ABCA4: variants seen among roughly 807,000 people sequenced by gnomAD.
ABCA4 encodes retinal-specific phospholipid-transporting ATPase ABCA4.
ABCA4 carries 196 observed loss-of-function variants against 263.7 expected under a neutral mutation model. That is an observed-to-expected ratio of 0.74 (90% CI 0.66 to 0.84). The LOEUF (loss-of-function observed/expected upper bound fraction) is 0.84, where lower values mean the gene tolerates loss of function less well. Among genes scored for constraint, ABCA4 ranks in the 40% least tolerant of loss-of-function variants. The probability of loss-of-function intolerance (pLI) is 0.00; values close to 1 mark genes in which losing one functional copy is unlikely to be tolerated. For missense variants in ABCA4, 2,792 were observed against 2,855.1 expected (o/e 0.98, Z 0.50); for synonymous variants, 1,133 against 1,094.2 (o/e 1.04, Z -0.70).
chr1:94,070,890 C>T (rs973998498), intron 11 of ABCA4, among the ~76,000 whole-genome samples: 4 of 152,106 alleles, frequency 2.6e-5, no homozygotes, highest in Admixed American at 6.5e-5. Flanking sequence ...GAGCTGTGGG[C>T]GCTAAGTCTT....
At chr1:93,993,480 C>T (rs1012890108) in intron 49 of ABCA4, among the ~76,000 whole-genome samples, 1 of 151,946 alleles carries the variant, frequency 6.6e-6, no homozygotes, top group Non-Finnish European at 1.5e-5. Flanking sequence ...GACACACATA[C>T]GAGATGTGTG....
chr1:94,018,392 A>T (rs779049087), intron 36 of ABCA4, among the ~76,000 whole-genome samples: 2 of 152,210 alleles, frequency 1.3e-5, no homozygotes, highest in Non-Finnish European at 2.9e-5. Context: ...CTCTTATCCA[A>T]AGAAAGGCTT....
In ABCA4 at chr1:94,031,065, G is replaced by C. The variant is rs1047379; in HGVS notation, c.4184C>G (p.Pro1395Arg). 6.2e-7 allele frequency: 1 copy of C among 1,614,150 alleles called. No individual in the cohort carries two copies. Among genetic ancestry groups the C allele is most frequent in the Non-Finnish European group, 8.5e-7 (1 of 1,180,020 alleles). Reference protein sequence around the residue: ...FLALMLSIVIPPFGEYPALTL... With the variant: ...FLALMLSIVIRPFGEYPALTL... ...CAAAGCGGGGTATTCGCCAAAAGGA[G>C]GGATAACAATAGAAAGCATCAGAGC... The change falls in exon 28 of 50, where the codon CCT becomes CGT. Residue 1395 changes from proline to arginine, a missense_variant. Physicochemically the swap from Pro to Arg is moderately radical, Grantham distance 103. Coordinates refer to ENST00000370225, the MANE Select transcript of ABCA4 (RefSeq NM_000350.3).
intron 37 of ABCA4, among the ~76,000 whole-genome samples, chr1:94,014,963 A>C (rs1225299364): frequency 6.6e-6 from 1 of 152,142 alleles, no homozygotes; most frequent in East Asian, 1.9e-4. Context: ...AGCCCTGTAC[A>C]ATTCATAGGA....
rs121909206 is a variant in ABCA4, at chr1:94,015,766, G to A, written c.5285C>T (p.Ala1762Val). The A allele has an allele frequency of 4.3e-6, 7 of 1,614,016 alleles. No homozygotes were observed. Among genetic ancestry groups the A allele is most frequent in the Non-Finnish European group, 5.9e-6 (7 of 1,179,946 alleles). Residue 1762 changes from alanine to valine, a missense_variant, in exon 37 of 50, where the codon GCC becomes GTC. Transcript: ENST00000370225. ...ATACAGCAGGAGCAGTGCCACAAGG[G>A]CAGGAAGGTTTTCTGGAGAAGTGTA... ...KAYTSPENLP[A>V]LVALLLLYGW...
chr1:93,995,966 G>A, intron 49 of ABCA4, 143 bp downstream of exon 49: 1 of 696,312 alleles, frequency 1.4e-6, no homozygotes, highest in Non-Finnish European at 2.5e-6. Context: ...GATGTGGTGG[G>A]GACTTGGTAG....
intron 5 of ABCA4, among the ~76,000 whole-genome samples, chr1:94,099,246 G>A (rs1662225092): frequency 6.6e-6 from 1 of 152,222 alleles, no homozygotes; most frequent in Non-Finnish European, 1.5e-5. Context: ...TGTGATGTGA[G>A]AAAGACTTGA....
chr1:94,084,796 G>A (rs1468612652), intron 6 of ABCA4, among the ~76,000 whole-genome samples: 1 of 152,162 alleles, frequency 6.6e-6, no homozygotes, highest in African/African-American at 2.4e-5. Context: ...AAACTCCTTC[G>A]AAATAGCTTC....
At chr1:94,053,406 A>C (rs1660891149) in intron 16 of ABCA4, among the ~76,000 whole-genome samples, 1 of 152,198 alleles carries the variant, frequency 6.6e-6, no homozygotes, top group South Asian at 2.1e-4. Flanking sequence ...AACAACAAAA[A>C]ACCAAAACAC....
intron 43 of ABCA4, among the ~76,000 whole-genome samples, chr1:94,006,993 T>G (rs1425285976): frequency 2.0e-5 from 3 of 152,234 alleles, no homozygotes; most frequent in Non-Finnish European, 4.4e-5. Context: ...AAACACATTT[T>G]ATTACAGAGA....
chr1:94,042,920 G>A (rs1055837839), intron 21 of ABCA4, 22 bp from the exon 22 acceptor site: 1 of 1,614,024 alleles, frequency 6.2e-7, no homozygotes, highest in Non-Finnish European at 8.5e-7. Flanking sequence ...AGAAGGACGG[G>A]AGAGTTAAGG....
rs61752391 is a variant in ABCA4 at position 94,078,629 on chromosome 1, C to G, written c.1317G>C (p.Trp439Cys). ...KAWEEVGPQI[W>C]YFFDNSTQMN... is the part of the protein sequence containing the mutation. The stretch of plus-strand genomic sequence containing the variant: ...TCTGTGTGCTGTTGTCAAAGAAGTA[C>G]CAGATCTGGGGCCCTACTTCTTCCC... The change falls in exon 10 of 50, where the codon TGG (tryptophan) becomes TGC (cysteine). Residue 439 changes from tryptophan to cysteine, a missense_variant. Transcript: ENST00000370225. The G allele has an allele frequency of 5.0e-5, 71 of 1,422,552 alleles. No individual in the cohort carries two copies. The Admixed American group carries it at 1.4e-3, about 28-fold the overall frequency. 88.1% of individuals were successfully genotyped at this position (1,422,552 alleles called of 1,614,324 possible). A position where few individuals can be genotyped will look rare whatever the true frequency, so the allele number is the denominator to read the frequency against.
At chr1:94,119,465 T>C (rs1285487266) in intron 1 of ABCA4, among the ~76,000 whole-genome samples, 1 of 152,184 alleles carries the variant, frequency 6.6e-6, no homozygotes, top group East Asian at 1.9e-4. Flanking sequence ...TTTATGCTGG[T>C]TGTTAAGCTA....
intron 28 of ABCA4, 126 bp from the exon 29 acceptor site, chr1:94,030,652 A>G: frequency 1.0e-6 from 1 of 955,514 alleles, no homozygotes; most frequent in Non-Finnish European, 1.7e-6. Context: ...CTGCCTTGGG[A>G]TGGCGCTAGC....
chr1:94,040,122 G>T lies in ABCA4; in HGVS notation c.3528C>A (p.Thr1176=). 1 of 1,606,970 alleles carries T rather than the reference G, an allele frequency of 6.2e-7. No individual in the cohort carries two copies. Among genetic ancestry groups the T allele is most frequent in the South Asian group, 1.1e-5 (1 of 89,458 alleles). ...AGAAACCCTTAGACGAGCAGCTGCA[G>T]GTCCCCTGCAACAGATGGATGGGAT... ...IQSQRKGSEG[T]CSCSSKGFST... The change falls in exon 24 of 50, where the codon ACC becomes ACA. Residue 1176 remains threonine, a synonymous_variant. Coordinates refer to ENST00000370225, the MANE Select transcript of ABCA4 (RefSeq NM_000350.3).
chr1:94,053,484 G>T (rs1263362134), intron 16 of ABCA4, among the ~76,000 whole-genome samples: 1 of 152,236 alleles, frequency 6.6e-6, no homozygotes, highest in African/African-American at 2.4e-5. Context: ...ACCTCATAAT[G>T]TGGCCTTGTT....
intron 26 of ABCA4, among the ~76,000 whole-genome samples, chr1:94,034,731 T>C (rs141665166): frequency 6.6e-6 from 1 of 151,730 alleles, no homozygotes; most frequent in African/African-American, 2.4e-5. Flanking sequence ...GTGAGCTCAG[T>C]TCCCCCCAGA....
At chr1:94,023,255 G>T in intron 32 of ABCA4, 131 bp downstream of exon 32, 2 of 744,828 alleles carry the variant, frequency 2.7e-6, no homozygotes, top group Non-Finnish European at 4.7e-6. Context: ...TTCAGGACGT[G>T]TCTTGTGACT....
intron 2 of ABCA4, among the ~76,000 whole-genome samples, chr1:94,112,366 T>A (rs369459040): frequency 1.3e-5 from 2 of 152,368 alleles, no homozygotes; most frequent in East Asian, 3.9e-4. Flanking sequence ...AGAACTCATC[T>A]ACAAATCTGT....
Sources: gnomAD v4.1 joint callset for allele counts (sites outside exome capture counted in the v4.1 genomes callset) on GRCh38, gnomAD v4.1.1 for gene constraint, MANE v1.5 for transcripts, NCBI Gene and HGNC (gene_info 2026-07-23, HGNC 2026-07-21) for gene names.